The following DZIP3 variants were observed in gnomAD, a reference collection of about 807,000 sequenced individuals.
DZIP3 encodes the protein DAZ interacting zinc finger protein 3.
A neutral mutation model predicts 162.0 loss-of-function variants in DZIP3; 118 were observed. The ratio of observed to expected loss-of-function variants is 0.73; its 90% CI spans 0.63 to 0.85. The LOEUF (loss-of-function observed/expected upper bound fraction) is 0.85. DZIP3 is among the 40% of genes least tolerant of loss of function. The pLI is 0.00. For synonymous variants in DZIP3, 438 were observed against 458.6 expected, an observed-to-expected ratio of 0.96 and a Z score of 0.57; for missense variants, 1,331 against 1,407.0, an observed-to-expected ratio of 0.95 and a Z score of 0.86.
At chr3:108,634,816 A>G (rs1261671051) in intron 9 of DZIP3, 55 bp from the exon 10 acceptor site, 7 of 995,896 alleles carry the variant, frequency 7.0e-6, no homozygotes, top group Non-Finnish European at 1.0e-5. Flanking sequence ...AATTTTTTTT[A>G]TCTATACAAG....
At chr3:108,643,269 CT>C (rs1341254244) in intron 13 of DZIP3, among the ~76,000 whole-genome samples, 1 of 152,162 alleles carries the variant, frequency 6.6e-6, no homozygotes, top group Admixed American at 6.6e-5. Context: ...CTTCAGCCGA[CT>C]TTTCTCCTTT....
intron 1 of DZIP3, among the ~76,000 whole-genome samples, chr3:108,595,369 C>T (rs893291569): frequency 6.6e-6 from 1 of 152,032 alleles, no homozygotes; most frequent in African/African-American, 2.4e-5. Context: ...AGGCATGCAC[C>T]ACCACACCTG....
rs1042305746 is a variant in DZIP3, at chr3:108,694,817, A to G, written c.*1464A>G. On this transcript the variant is annotated 3_prime_UTR_variant, in exon 33 of 33. Transcript: ENST00000361582. ...ACTGCAATTTCACTTTCATTTAGAA[A>G]AGAATAAATGTTTCTTAATTGAACA... 1.3e-5 allele frequency: 2 copies of G among 152,228 alleles called. No individual in the cohort carries two copies. Among genetic ancestry groups the G allele is most frequent in the African/African-American group, 2.4e-5 (1 of 41,456 alleles). 9.4% of individuals were successfully genotyped at this position (152,228 alleles called of 1,614,324 possible).
chr3:108,589,983 A>C (rs1332171687), intron 1 of DZIP3, 144 bp downstream of exon 1: 1 of 152,258 alleles, frequency 6.6e-6, no homozygotes. Flanking sequence ...ATTATGTGGC[A>C]AATTAGTCAT....
chr3:108,601,413 C>G (rs2107459507), intron 1 of DZIP3, among the ~76,000 whole-genome samples: 1 of 152,266 alleles, frequency 6.6e-6, no homozygotes, highest in East Asian at 1.9e-4. Flanking sequence ...TTGAGAGAGC[C>G]TGATATACTG....
rs565415637 is a variant in DZIP3 at position 108,635,293 on chromosome 3, T to G, written c.918+321T>G. The stretch of plus-strand genomic sequence containing the variant: ...TGTATACTCTTAAGAATAGAAATAT[T>G]GTTGCATATATGCACATAGGATCAT... On this transcript the variant is annotated intron_variant, in intron 10 of 32. Transcript: ENST00000361582. The G allele has an allele frequency of 1.1e-4, 25 of 228,214 alleles. 1 individual carries two copies. In the South Asian group the frequency reaches 1.7e-3, roughly 16 times the overall value. 14.1% of individuals were successfully genotyped at this position (228,214 alleles called of 1,614,324 possible).
intron 19 of DZIP3, 175 bp downstream of exon 19, chr3:108,654,485 A>G: frequency 1.5e-6 from 1 of 648,346 alleles, no homozygotes; most frequent in Non-Finnish European, 2.5e-6. Context: ...ATAAGGAAAA[A>G]AAAGAACGCC....
intron 22 of DZIP3, 48 bp downstream of exon 22, chr3:108,669,797 T>G (rs1943857181): frequency 7.1e-7 from 1 of 1,414,672 alleles, no homozygotes; most frequent in African/African-American, 1.4e-5. Flanking sequence ...GAAACTGTAT[T>G]TCACTCAACA....
At chr3:108,645,407 G>A (rs554467834) in intron 14 of DZIP3, among the ~76,000 whole-genome samples, 101 of 152,286 alleles carry the variant, frequency 6.6e-4, no homozygotes, top group African/African-American at 2.4e-3. Context: ...AATTTTAGCA[G>A]CTATTCATTG....
intron 25 of DZIP3, among the ~76,000 whole-genome samples, chr3:108,676,868 G>A (rs769232118): frequency 3.3e-5 from 5 of 151,990 alleles, no homozygotes; most frequent in Non-Finnish European, 5.9e-5. Context: ...GTTCCTACGC[G>A]TTCTTTACAA....
chr3:108,616,265 A>AATAT (rs370737843), intron 4 of DZIP3, among the ~76,000 whole-genome samples: 1 of 145,308 alleles, frequency 6.9e-6, no homozygotes, highest in East Asian at 2.0e-4. Context: ...CTCCATCTCA[A>AATAT]AAATAAATAA....
intron 5 of DZIP3, among the ~76,000 whole-genome samples, chr3:108,617,855 T>G (rs1309186529): frequency 6.6e-6 from 1 of 152,212 alleles, no homozygotes; most frequent in African/African-American, 2.4e-5. Context: ...GAAATCAGCC[T>G]TAACAGGTAC....
intron 32 of DZIP3, 101 bp downstream of exon 32, chr3:108,691,004 C>T: frequency 1.1e-6 from 1 of 915,472 alleles, no homozygotes; most frequent in Non-Finnish European, 1.6e-6. Context: ...GCTAAAGAAG[C>T]CAGCTAATTT....
Position 108,629,071 on chromosome 3 carries a change from A to G in DZIP3, c.591A>G (p.Gly197=). Reference sequence around the variant, plus strand: ...TTAAAATGCCTTTCAGATATAATGGAGGACTGCTAGAATTTCATAAAAGCT... The same window carrying G: ...TTAAAATGCCTTTCAGATATAATGGGGGACTGCTAGAATTTCATAAAAGCT... ...LLRCAQKRYN[G]GLLEFHKSLQ... The change falls in exon 8 of 33, where the codon GGA becomes GGG. Residue 197 remains glycine, a synonymous_variant. Coordinates refer to ENST00000361582, the MANE Select transcript of DZIP3 (RefSeq NM_014648.4). 1 of 1,593,696 alleles carries G rather than the reference A, an allele frequency of 6.3e-7. No homozygotes were observed. Among genetic ancestry groups the G allele is most frequent in the Non-Finnish European group, 8.5e-7 (1 of 1,171,204 alleles).
intron 4 of DZIP3, among the ~76,000 whole-genome samples, chr3:108,615,212 G>C (rs977709597): frequency 6.6e-6 from 1 of 152,192 alleles, no homozygotes; most frequent in African/African-American, 2.4e-5. Context: ...CATTGTGTTA[G>C]TAGTTTTCCA....
chr3:108,637,607 T>A, intron 12 of DZIP3, 59 bp downstream of exon 12: 1 of 1,425,690 alleles, frequency 7.0e-7, no homozygotes, highest in South Asian at 1.2e-5. Flanking sequence ...ATTTTTTGGT[T>A]GCTTAATTCT....
At position 108,644,286 on chromosome 3, in the gene DZIP3, A is replaced by G. The variant is rs1942523591; in HGVS notation, c.1264A>G (p.Lys422Glu). 1 of 1,613,940 alleles carries G rather than the reference A, an allele frequency of 6.2e-7. No individual in the cohort carries two copies. Among genetic ancestry groups the G allele is most frequent in the Non-Finnish European group, 8.5e-7 (1 of 1,179,932 alleles). Residue 422 changes from lysine to glutamate, a missense_variant, in exon 14 of 33, where the codon AAA becomes GAA. Around this residue, in one of 2 missense-constraint regions of DZIP3, gnomAD observed 1,278 missense variants for 1,317.1 expected, o/e 0.97. Transcript: ENST00000361582. ...FDEAMPPPLLKKELLIHKNVL... is the reference protein window; with the variant it reads ...FDEAMPPPLLEKELLIHKNVL... The stretch of plus-strand genomic sequence containing the variant: ...TGAGGCTATGCCACCTCCTCTTTTG[A>G]AAAAAGAGCTTCTTATACACAAGAA...
intron 23 of DZIP3, among the ~76,000 whole-genome samples, chr3:108,672,931 G>C (rs1312761741): frequency 6.6e-6 from 1 of 151,788 alleles, no homozygotes; most frequent in Non-Finnish European, 1.5e-5. Flanking sequence ...CAGACATCTT[G>C]GGGAAATTCT....
intron 1 of DZIP3, among the ~76,000 whole-genome samples, chr3:108,592,435 T>C (rs903527086): frequency 6.6e-6 from 1 of 152,140 alleles, no homozygotes; most frequent in African/African-American, 2.4e-5. Context: ...GGCTCATGCC[T>C]TTTATTCCAG....
Sources: gnomAD v4.1 joint callset for allele counts (sites outside exome capture counted in the v4.1 genomes callset) on GRCh38, gnomAD v4.1.1 for gene constraint, gnomAD v4.1.1 regional missense constraint, MANE v1.5 for transcripts, NCBI Gene and HGNC (gene_info 2026-07-23, HGNC 2026-07-21) for gene names.